The following EXOC6B variants were observed in gnomAD, a reference collection of about 807,000 sequenced individuals.
The protein encoded by EXOC6B is exocyst complex component 6B, also known as SEC15 homolog B.
Under a neutral mutation model 113.5 loss-of-function variants are expected in EXOC6B, and 54 were observed. The ratio of observed to expected loss-of-function variants is 0.48; its 90% CI spans 0.38 to 0.60. EXOC6B has a LOEUF of 0.60. Among genes scored for constraint, EXOC6B ranks in the 20% least tolerant of loss-of-function variants. EXOC6B has a pLI of 0.00. For missense variants in EXOC6B, 797 were observed against 977.5 expected (o/e 0.82, Z 2.46); for synonymous variants, 357 against 339.0 (o/e 1.05, Z -0.58).
chr2:72,556,117 A>G (rs554898211), intron 8 of EXOC6B, among the ~76,000 whole-genome samples: 1 of 152,370 alleles, frequency 6.6e-6, no homozygotes, highest in African/African-American at 2.4e-5. Context: ...CAGACCAGTC[A>G]AGAGCAAAGG....
intron 20 of EXOC6B, among the ~76,000 whole-genome samples, chr2:72,190,502 G>C (rs1258267292): frequency 2.6e-5 from 4 of 152,102 alleles, no homozygotes; most frequent in Non-Finnish European, 5.9e-5. Flanking sequence ...ATATAAAAAA[G>C]TGTTCTCAGA....
At chr2:72,384,069 A>T (rs1424580897) in intron 18 of EXOC6B, among the ~76,000 whole-genome samples, 1 of 152,132 alleles carries the variant, frequency 6.6e-6, no homozygotes, top group East Asian at 1.9e-4. Context: ...TACCTGGGTG[A>T]TGACATAATC....
At chr2:72,721,364 TAAA>T (rs11408155) in intron 5 of EXOC6B, among the ~76,000 whole-genome samples, 4 of 28,500 alleles carry the variant, frequency 1.4e-4, no homozygotes, top group Admixed American at 4.4e-4. Context: ...GTTGTTTTTG[TAAA>T]AAAAAAAAAA....
At chr2:72,269,970 A>C (rs1469303069) in intron 20 of EXOC6B, among the ~76,000 whole-genome samples, 1 of 152,114 alleles carries the variant, frequency 6.6e-6, no homozygotes, top group East Asian at 1.9e-4. Context: ...CATAATAATA[A>C]TAGGGGATGT....
intron 19 of EXOC6B, among the ~76,000 whole-genome samples, chr2:72,344,764 A>G (rs996653498): frequency 6.6e-6 from 1 of 152,026 alleles, no homozygotes; most frequent in African/African-American, 2.4e-5. Flanking sequence ...TTGCTTTTGA[A>G]TGTCCTAGTC....
intron 8 of EXOC6B, among the ~76,000 whole-genome samples, chr2:72,537,696 G>A (rs895694075): frequency 9.9e-5 from 15 of 151,950 alleles, no homozygotes; most frequent in Admixed American, 7.2e-4. Context: ...AAATTCTAGC[G>A]GAATTGATGG....
intron 1 of EXOC6B, among the ~76,000 whole-genome samples, chr2:72,819,256 TAA>T (rs1376549349): frequency 3.3e-5 from 5 of 152,166 alleles, no homozygotes; most frequent in African/African-American, 4.8e-5. Context: ...ATAAAAAAGT[TAA>T]GAGGAAATAT....
intron 6 of EXOC6B, among the ~76,000 whole-genome samples, chr2:72,651,654 C>CTA (rs573149278): frequency 1.3e-4 from 20 of 152,188 alleles, no homozygotes; most frequent in Non-Finnish European, 2.6e-4. Context: ...GAGTCTCCCT[C>CTA]TATCGCCCAG....
chr2:72,821,867 G>A (rs920756374), intron 1 of EXOC6B, among the ~76,000 whole-genome samples: 3 of 152,068 alleles, frequency 2.0e-5, no homozygotes, highest in African/African-American at 7.2e-5. Flanking sequence ...TCTAAAATTA[G>A]GTTGTGGTGA....
At chr2:72,428,296 G>C (rs567281616) in intron 18 of EXOC6B, among the ~76,000 whole-genome samples, 1 of 152,214 alleles carries the variant, frequency 6.6e-6, no homozygotes, top group African/African-American at 2.4e-5. Context: ...GCCCTTGGGG[G>C]AACCCAGACC....
intron 6 of EXOC6B, among the ~76,000 whole-genome samples, chr2:72,715,701 G>A (rs984944376): frequency 7.2e-5 from 11 of 152,034 alleles, no homozygotes; most frequent in African/African-American, 1.7e-4. Context: ...TTTTCTAAAT[G>A]AAAGGTTTTG....
At chr2:72,423,275 A>G (rs1695014308) in intron 18 of EXOC6B, among the ~76,000 whole-genome samples, 2 of 151,950 alleles carry the variant, frequency 1.3e-5, no homozygotes, top group Admixed American at 1.3e-4. Flanking sequence ...ACACATCTGA[A>G]CATCAGAAGG....
chr2:72,716,530 T>C (rs1306052417), intron 6 of EXOC6B, among the ~76,000 whole-genome samples: 1 of 152,178 alleles, frequency 6.6e-6, no homozygotes, highest in Non-Finnish European at 1.5e-5. Flanking sequence ...ATTTCTCAGT[T>C]AATTAAAAGT....
At chr2:72,642,043 A>G (rs1211732378) in intron 6 of EXOC6B, among the ~76,000 whole-genome samples, 2 of 152,196 alleles carry the variant, frequency 1.3e-5, no homozygotes, top group African/African-American at 4.8e-5. Flanking sequence ...TAGCATCAAC[A>G]TCAACAAAAA....
At chr2:72,352,898 C>T (rs914302699) in intron 19 of EXOC6B, among the ~76,000 whole-genome samples, 4 of 151,890 alleles carry the variant, frequency 2.6e-5, no homozygotes, top group Admixed American at 2.6e-4. Context: ...GGTTTATACC[C>T]TATAAAAGCG....
chr2:72,360,092 A>G (rs1690212146), intron 19 of EXOC6B, among the ~76,000 whole-genome samples: 1 of 151,504 alleles, frequency 6.6e-6, no homozygotes, highest in Non-Finnish European at 1.5e-5. Context: ...AGCCTCAGAT[A>G]CTTTTTTTTT....
intron 20 of EXOC6B, among the ~76,000 whole-genome samples, chr2:72,263,884 A>G (rs1212151426): frequency 1.3e-5 from 2 of 152,206 alleles, no homozygotes; most frequent in Non-Finnish European, 2.9e-5. Flanking sequence ...AGCTTCTGCT[A>G]CAGGCACTAT....
chr2:72,272,735 G>A (rs548428021), intron 20 of EXOC6B, among the ~76,000 whole-genome samples: 2 of 152,062 alleles, frequency 1.3e-5, no homozygotes, highest in South Asian at 2.1e-4. Flanking sequence ...GTTGGCTGAC[G>A]GGGGAGCCCT....
At chr2:72,627,393 T>C (rs992986698) in intron 6 of EXOC6B, among the ~76,000 whole-genome samples, 2 of 152,186 alleles carry the variant, frequency 1.3e-5, no homozygotes, top group East Asian at 1.9e-4. Context: ...GTACAATGAA[T>C]TGCCGATAAT....
Sources: allele counts gnomAD v4.1 joint callset (sites outside exome capture counted in the v4.1 genomes callset), GRCh38; gene constraint gnomAD v4.1.1; transcripts MANE v1.5; gene names NCBI Gene and HGNC (gene_info 2026-07-23, HGNC 2026-07-21).